TRPM3: variants seen among roughly 807,000 people sequenced by gnomAD.
TRPM3 encodes long transient receptor potential channel 3.
TRPM3 carries 77 observed loss-of-function variants against 181.2 expected under a neutral mutation model. The observed-to-expected ratio is 0.42, with a 90% CI of 0.35 to 0.51. The LOEUF is 0.51. Ranked by LOEUF, TRPM3 falls within the 20% of genes least tolerant of loss-of-function variation. The pLI, the probability that TRPM3 is intolerant of heterozygous loss-of-function variation, is 0.01. For synonymous variants in TRPM3, 745 were observed against 796.4 expected (o/e 0.94, Z 1.09); for missense variants, 1,759 against 2,196.7 (o/e 0.80, Z 3.98).
chr9:70,858,045 T>C (rs2095431148), intron 3 of TRPM3, among the ~76,000 whole-genome samples: 1 of 152,208 alleles, frequency 6.6e-6, no homozygotes, highest in Non-Finnish European at 1.5e-5. Context: ...ATAATGATTA[T>C]GATTCTCTTT....
chr9:70,646,474 A>T (rs1447517359), intron 9 of TRPM3, among the ~76,000 whole-genome samples: 1 of 152,190 alleles, frequency 6.6e-6, no homozygotes, highest in African/African-American at 2.4e-5. Flanking sequence ...CAGGAGCAGA[A>T]AACCAAACAC....
At chr9:70,928,695 G>A (rs1168774857) in intron 1 of TRPM3, among the ~76,000 whole-genome samples, 1 of 152,208 alleles carries the variant, frequency 6.6e-6, no homozygotes, top group Non-Finnish European at 1.5e-5. Context: ...GCATGGAGGA[G>A]AAGAAATCAG....
chr9:71,000,144 TG>T (rs2097584196), intron 1 of TRPM3, among the ~76,000 whole-genome samples: 1 of 152,176 alleles, frequency 6.6e-6, no homozygotes, highest in South Asian at 2.1e-4. Flanking sequence ...TTCAGCATAA[TG>T]TATCCCATTG....
At chr9:71,248,311 C>T (rs1023518343) in intron 1 of TRPM3, among the ~76,000 whole-genome samples, 1 of 152,132 alleles carries the variant, frequency 6.6e-6, no homozygotes, top group Non-Finnish European at 1.5e-5. Context: ...CAATGAGACC[C>T]GAGGGAGTTG....
intron 1 of TRPM3, among the ~76,000 whole-genome samples, chr9:71,398,662 G>A (rs113380079): frequency 0.028 from 4,317 of 152,220 alleles, 191 homozygotes; most frequent in African/African-American, 0.097. Context: ...AGGCTTCCCA[G>A]CCATGCTTCC....
At chr9:70,552,818 C>T in intron 24 of TRPM3, 26 bp downstream of exon 24, 1 of 1,612,140 alleles carries the variant, frequency 6.2e-7, no homozygotes, top group South Asian at 1.1e-5. Flanking sequence ...TGATTTGTGG[C>T]AGCTCGGCTG....
At chr9:71,008,018 C>T (rs1263205295) in intron 1 of TRPM3, among the ~76,000 whole-genome samples, 1 of 151,436 alleles carries the variant, frequency 6.6e-6, no homozygotes, top group Non-Finnish European at 1.5e-5. Flanking sequence ...ATAATATGGA[C>T]AAAAATTTAG....
intron 1 of TRPM3, among the ~76,000 whole-genome samples, chr9:71,181,412 C>T (rs2077395873): frequency 6.7e-6 from 1 of 150,330 alleles, no homozygotes; most frequent in Non-Finnish European, 1.5e-5. Flanking sequence ...GCTCTTCAGC[C>T]ACAAGATGAT....
At chr9:70,643,649 A>G (rs1411364883) in intron 9 of TRPM3, among the ~76,000 whole-genome samples, 1 of 152,204 alleles carries the variant, frequency 6.6e-6, no homozygotes, top group Admixed American at 6.5e-5. Context: ...GCACTCTGGG[A>G]GATGTGTCAA....
Position 70,536,209 on chromosome 9 carries a change from A to G in TRPM3, c.4904T>C (p.Leu1635Pro). The G allele has an allele frequency of 6.2e-7, 1 of 1,614,226 alleles. No homozygotes were observed. The highest frequency in any genetic ancestry group is 1.1e-5 in the South Asian group (1 of 91,086). ...SQEGDNSERT[L>P]SNNITVPKIE... ...CTTGGGAACAGTGATGTTGTTGGAC[A>G]GGGTTCTCTCTGAGTTATCACCCTC... Residue 1635 changes from leucine to proline, a missense_variant, in exon 26 of 26, where the codon CTG becomes CCG. By Grantham distance (98) the Leu-to-Pro change is moderately conservative (BLOSUM62 -3). Coordinates refer to ENST00000677713, the MANE Select transcript of TRPM3 (RefSeq NM_001366145.2).
intron 1 of TRPM3, among the ~76,000 whole-genome samples, chr9:71,143,922 T>G (rs1003742241): frequency 6.6e-6 from 1 of 152,200 alleles, no homozygotes; most frequent in African/African-American, 2.4e-5. Context: ...TGCTTTTGAT[T>G]TGCAGTTCTC....
chr9:70,612,933 TG>T (rs2062195734), intron 18 of TRPM3, among the ~76,000 whole-genome samples: 1 of 152,170 alleles, frequency 6.6e-6, no homozygotes, highest in Non-Finnish European at 1.5e-5. Context: ...AGTGGCATTT[TG>T]GGGTAACTTC....
chr9:70,667,415 A>T (rs1457892337), intron 9 of TRPM3, among the ~76,000 whole-genome samples: 1 of 152,124 alleles, frequency 6.6e-6, no homozygotes, highest in Non-Finnish European at 1.5e-5. Context: ...CAAGTTGGGG[A>T]AGAGGGCTGA....
chr9:70,675,193 C>A (rs1035356504), intron 9 of TRPM3, among the ~76,000 whole-genome samples: 1 of 152,058 alleles, frequency 6.6e-6, no homozygotes, highest in African/African-American at 2.4e-5. Flanking sequence ...CTCCACCTCC[C>A]AGGTTCAAGT....
chr9:71,329,378 T>A (rs779143823), intron 1 of TRPM3, among the ~76,000 whole-genome samples: 30 of 152,238 alleles, frequency 2.0e-4, no homozygotes, highest in Non-Finnish European at 3.5e-4. Context: ...CCATTTTAAC[T>A]ATCTGATGAT....
chr9:70,656,309 C>T (rs1179799048), intron 9 of TRPM3, among the ~76,000 whole-genome samples: 1 of 152,216 alleles, frequency 6.6e-6, no homozygotes, highest in African/African-American at 2.4e-5. Context: ...ATAAGATACT[C>T]ATATTGGTTT....
intron 22 of TRPM3, among the ~76,000 whole-genome samples, chr9:70,578,678 A>C (rs2054730196): frequency 6.6e-6 from 1 of 152,226 alleles, no homozygotes; most frequent in Non-Finnish European, 1.5e-5. Context: ...GCCTGGCTTT[A>C]GTTTGTGAGG....
chr9:70,952,323 A>G (rs1365180538), intron 1 of TRPM3, among the ~76,000 whole-genome samples: 1 of 152,154 alleles, frequency 6.6e-6, no homozygotes, highest in African/African-American at 2.4e-5. Context: ...AATTCATGAT[A>G]CTGTTCTTAA....
intron 9 of TRPM3, among the ~76,000 whole-genome samples, chr9:70,664,886 G>A (rs902459061): frequency 6.6e-6 from 1 of 152,032 alleles, no homozygotes; most frequent in African/African-American, 2.4e-5. Flanking sequence ...CTGACCTCAA[G>A]TGATCCACCC....
Sources: gnomAD v4.1 joint callset for allele counts (sites outside exome capture counted in the v4.1 genomes callset) on GRCh38, gnomAD v4.1.1 for gene constraint, MANE v1.5 for transcripts, NCBI Gene and HGNC (gene_info 2026-07-23, HGNC 2026-07-21) for gene names.